The following ROBO2 variants were observed in gnomAD, a reference collection of about 807,000 sequenced individuals.
ROBO2 encodes the protein roundabout guidance receptor 2, also known as roundabout homolog 2.
In ROBO2, 53 loss-of-function variants were observed where a neutral mutation model predicts 160.8. That is an observed-to-expected ratio of 0.33 (90% confidence interval 0.26 to 0.41). ROBO2 has a LOEUF of 0.41. Ranked by LOEUF, ROBO2 falls within the 10% of genes least tolerant of loss-of-function variation. ROBO2 has a pLI of 1.00. For synonymous variants in ROBO2, 664 were observed against 611.7 expected, an observed-to-expected ratio of 1.09 and a Z score of -1.26; for missense variants, 1,577 against 1,722.4, an observed-to-expected ratio of 0.92 and a Z score of 1.49.
At chr3:76,667,693 GCA>G (rs747028358) in intron 2 of ROBO2, among the ~76,000 whole-genome samples, 41,516 of 151,426 alleles carry the variant, frequency 0.27, 6,209 homozygotes, top group East Asian at 0.52. Flanking sequence ...GCTATTTTTA[GCA>G]GTGATCAGAC....
chr3:76,733,380 T>A (rs1458924174), intron 2 of ROBO2, among the ~76,000 whole-genome samples: 1 of 152,196 alleles, frequency 6.6e-6, no homozygotes, highest in Non-Finnish European at 1.5e-5. Context: ...ATGCTGTATG[T>A]CAAGTATTAG....
chr3:76,129,089 G>A (rs1208582920), intron 2 of ROBO2, among the ~76,000 whole-genome samples: 4 of 151,918 alleles, frequency 2.6e-5, no homozygotes, highest in Non-Finnish European at 2.9e-5. Context: ...CAAGATCTGG[G>A]GACATTTTTC....
intron 2 of ROBO2, among the ~76,000 whole-genome samples, chr3:76,585,597 A>C (rs939110481): frequency 6.6e-6 from 1 of 152,190 alleles, no homozygotes; most frequent in Non-Finnish European, 1.5e-5. Flanking sequence ...AGAACAACTG[A>C]TATAATCCAT....
intron 2 of ROBO2, among the ~76,000 whole-genome samples, chr3:76,556,063 G>A (rs987843109): frequency 5.9e-5 from 9 of 152,000 alleles, no homozygotes; most frequent in South Asian, 2.1e-4. Flanking sequence ...TCATGCCATC[G>A]CACTCCAGGC....
At chr3:76,966,845 A>T (rs1024167478) in intron 2 of ROBO2, among the ~76,000 whole-genome samples, 4 of 152,218 alleles carry the variant, frequency 2.6e-5, no homozygotes, top group Non-Finnish European at 5.9e-5. Flanking sequence ...AGGTTCAAAA[A>T]CAGGAGGTTA....
chr3:76,726,803 G>A (rs2107787650), intron 2 of ROBO2, among the ~76,000 whole-genome samples: 1 of 152,264 alleles, frequency 6.6e-6, no homozygotes, highest in South Asian at 2.1e-4. Flanking sequence ...AAGAGTGAAG[G>A]AATGAAGGAA....
intron 6 of ROBO2, among the ~76,000 whole-genome samples, chr3:77,543,105 T>C (rs1297329197): frequency 6.6e-6 from 1 of 152,140 alleles, no homozygotes; most frequent in African/African-American, 2.4e-5. Flanking sequence ...CAGCTCTTAG[T>C]TGTCCTCCAA....
intron 2 of ROBO2, among the ~76,000 whole-genome samples, chr3:76,259,274 C>A (rs993021684): frequency 6.6e-6 from 1 of 152,066 alleles, no homozygotes; most frequent in African/African-American, 2.4e-5. Flanking sequence ...TAAATCTAAT[C>A]TCCACCTCCT....
In ROBO2 at chr3:77,118,081, G is replaced by A. The variant is rs1472502012; in HGVS notation, c.388+19741G>A. ...AGCTTTTTACAATGTGATATAATGT[G>A]GCAATATTACAGGTTATTGTGGGCC... On this transcript the variant is annotated intron_variant, in intron 2 of 25. Transcript: ENST00000461745. Among the ~76,000 whole-genome samples, 4 of 152,138 alleles carry A rather than the reference G, an allele frequency of 2.6e-5. No homozygotes were observed. The East Asian group carries it at 5.8e-4, about 22-fold the overall frequency.
At chr3:76,310,211 G>C (rs539946628) in intron 2 of ROBO2, among the ~76,000 whole-genome samples, 12 of 152,300 alleles carry the variant, frequency 7.9e-5, no homozygotes, top group African/African-American at 2.9e-4. Flanking sequence ...ACCATACCTT[G>C]TGACCAGCAA....
At chr3:76,761,524 T>C (rs2061309781) in intron 2 of ROBO2, among the ~76,000 whole-genome samples, 1 of 151,766 alleles carries the variant, frequency 6.6e-6, no homozygotes, top group Admixed American at 6.6e-5. Flanking sequence ...AAATTGGTTA[T>C]TCCAGATAAG....
At chr3:77,180,416 C>CTCTA (rs1433740534) in intron 2 of ROBO2, among the ~76,000 whole-genome samples, 1,067 of 90,700 alleles carry the variant, frequency 0.012, 18 homozygotes, top group East Asian at 0.074. Flanking sequence ...CTCTCTCTCT[C>CTCTA]TATATATATA....
intron 2 of ROBO2, among the ~76,000 whole-genome samples, chr3:77,444,727 T>C (rs1396623179): frequency 1.3e-5 from 2 of 152,074 alleles, no homozygotes; most frequent in Non-Finnish European, 2.9e-5. Context: ...AGGCAGAAAA[T>C]ACCGAAAAGA....
intron 2 of ROBO2, among the ~76,000 whole-genome samples, chr3:76,460,771 C>A (rs189100890): frequency 1.3e-5 from 2 of 152,052 alleles, no homozygotes; most frequent in Admixed American, 1.3e-4. Context: ...TTCTGACCTG[C>A]GCAATATGTG....
intron 2 of ROBO2, among the ~76,000 whole-genome samples, chr3:76,314,757 A>T (rs1447190172): frequency 6.6e-6 from 1 of 151,608 alleles, no homozygotes; most frequent in Admixed American, 6.6e-5. Context: ...CATATAAAAC[A>T]TGTGTTAATC....
intron 6 of ROBO2, among the ~76,000 whole-genome samples, chr3:77,545,219 G>T (rs1003461045): frequency 4.6e-5 from 7 of 152,060 alleles, no homozygotes; most frequent in African/African-American, 1.7e-4. Context: ...AAAATCCTCA[G>T]TTTGACTTCT....
intron 2 of ROBO2, among the ~76,000 whole-genome samples, chr3:77,266,551 A>G (rs1030020596): frequency 6.6e-6 from 1 of 151,964 alleles, no homozygotes; most frequent in Non-Finnish European, 1.5e-5. Context: ...GTTCCATGAC[A>G]TTGCATCCAT....
At chr3:75,943,814 C>A (rs1035687909) in intron 2 of ROBO2, among the ~76,000 whole-genome samples, 12 of 151,986 alleles carry the variant, frequency 7.9e-5, no homozygotes, top group Admixed American at 2.0e-4. Flanking sequence ...GGTTCTCCTG[C>A]CTCAGGCTCC....
chr3:76,961,257 A>AAAC (rs2079635698), intron 2 of ROBO2, among the ~76,000 whole-genome samples: 1 of 151,766 alleles, frequency 6.6e-6, no homozygotes, highest in African/African-American at 2.4e-5. Context: ...GAAAAAAAAA[A>AAAC]AAAAAAAAAA....
Sources: allele counts gnomAD v4.1 joint callset (sites outside exome capture counted in the v4.1 genomes callset), GRCh38; gene constraint gnomAD v4.1.1; transcripts MANE v1.5; gene names NCBI Gene and HGNC (gene_info 2026-07-23, HGNC 2026-07-21).